Variants in UST observed in about 807,000 individuals in gnomAD.
UST encodes the protein uronyl 2-sulfotransferase, also known as chondroitin sulfate 2-O-sulfotransferase.
Under a neutral mutation model 45.6 loss-of-function variants are expected in UST, and 21 were observed. That is an observed-to-expected ratio of 0.46 (90% CI 0.33 to 0.66). The LOEUF is 0.66. Ranked by LOEUF, UST falls within the 30% of genes least tolerant of loss-of-function variation. The pLI, the probability that UST is intolerant of heterozygous loss-of-function variation, is 0.02. For missense variants in UST, 463 were observed against 512.4 expected, an observed-to-expected ratio of 0.90 and a Z score of 0.93; for synonymous variants, 215 against 200.6, an observed-to-expected ratio of 1.07 and a Z score of -0.61.
chr6:148,912,877 G>A (rs9403999), intron 2 of UST, among the ~76,000 whole-genome samples: 17,004 of 152,264 alleles, frequency 0.11, 1,416 homozygotes, highest in East Asian at 0.41. Context: ...GATACAGGGT[G>A]CACCTCAGTT....
chr6:148,912,922 C>A (rs191621317), intron 2 of UST, among the ~76,000 whole-genome samples: 2 of 152,284 alleles, frequency 1.3e-5, no homozygotes, highest in Admixed American at 1.3e-4. Context: ...TGGTAATGTG[C>A]ACTTAAATCC....
intron 7 of UST, among the ~76,000 whole-genome samples, chr6:149,043,311 G>A (rs1298736253): frequency 6.6e-6 from 1 of 151,974 alleles, no homozygotes; most frequent in Non-Finnish European, 1.5e-5. Flanking sequence ...AGGTCTCACT[G>A]TGCTGCCCAG....
chr6:148,942,102 A>G (rs1019018792), intron 3 of UST, among the ~76,000 whole-genome samples: 1 of 152,108 alleles, frequency 6.6e-6, no homozygotes, highest in Non-Finnish European at 1.5e-5. Context: ...GTGCTTTGCT[A>G]ATGTAGAAAA....
At chr6:148,944,609 A>AGGGAGT (rs1414415406) in intron 3 of UST, among the ~76,000 whole-genome samples, 1 of 152,174 alleles carries the variant, frequency 6.6e-6, no homozygotes, top group Non-Finnish European at 1.5e-5. Context: ...TAAAAAGGAA[A>AGGGAGT]GGGAGTGTGA....
At chr6:148,876,753 GTTTTGTTGT>G (rs898058197) in intron 1 of UST, among the ~76,000 whole-genome samples, 1 of 151,718 alleles carries the variant, frequency 6.6e-6, no homozygotes, top group Non-Finnish European at 1.5e-5. Flanking sequence ...TTCTTTATTC[GTTTTGTTGT>G]TTTTGTTGTT....
intron 7 of UST, among the ~76,000 whole-genome samples, chr6:149,045,881 G>T (rs931046162): frequency 6.6e-6 from 1 of 152,128 alleles, no homozygotes; most frequent in Non-Finnish European, 1.5e-5. Context: ...GAAGCTTGAA[G>T]TCCTTTCAAT....
chr6:148,926,363 G>A (rs954743761), intron 2 of UST, among the ~76,000 whole-genome samples: 2 of 152,220 alleles, frequency 1.3e-5, no homozygotes, highest in Non-Finnish European at 2.9e-5. Flanking sequence ...TATCAGAAAT[G>A]CATTGGGCTA....
intron 2 of UST, among the ~76,000 whole-genome samples, chr6:148,917,965 T>C (rs548059603): frequency 6.6e-6 from 1 of 152,348 alleles, no homozygotes; most frequent in South Asian, 2.1e-4. Context: ...TGATACTCTA[T>C]ACTGCCCTCT....
At chr6:149,033,990 T>G (rs1480932283) in intron 7 of UST, among the ~76,000 whole-genome samples, 1 of 152,188 alleles carries the variant, frequency 6.6e-6, no homozygotes, top group Non-Finnish European at 1.5e-5. Context: ...GTAACTAGTA[T>G]GCACAGGCTG....
chr6:148,810,708 G>T (rs1244992157), intron 1 of UST, among the ~76,000 whole-genome samples: 1 of 152,064 alleles, frequency 6.6e-6, no homozygotes, highest in Non-Finnish European at 1.5e-5. Flanking sequence ...TATAATACAA[G>T]GTGTCACCAG....
intron 1 of UST, among the ~76,000 whole-genome samples, chr6:148,838,296 C>T (rs1777827648): frequency 6.6e-6 from 1 of 152,136 alleles, no homozygotes; most frequent in Non-Finnish European, 1.5e-5. Flanking sequence ...GAAGGAAGGC[C>T]AGCGTGTGCA....
At chr6:148,820,581 T>C (rs1043156447) in intron 1 of UST, among the ~76,000 whole-genome samples, 1 of 151,866 alleles carries the variant, frequency 6.6e-6, no homozygotes, top group African/African-American at 2.4e-5. Flanking sequence ...CCGGGCACGG[T>C]GGCTCATGCC....
intron 1 of UST, among the ~76,000 whole-genome samples, chr6:148,818,034 G>A (rs766657727): frequency 6.6e-6 from 1 of 152,160 alleles, no homozygotes; most frequent in Non-Finnish European, 1.5e-5. Flanking sequence ...CCAACCACCT[G>A]CTAAAGGATG....
intron 1 of UST, among the ~76,000 whole-genome samples, chr6:148,771,994 A>AT (rs955945095): frequency 2.6e-5 from 4 of 151,464 alleles, no homozygotes; most frequent in African/African-American, 7.3e-5. Context: ...CTCCTTCAAT[A>AT]TTTTTTTTTC....
chr6:148,831,518 A>G (rs1170698753), intron 1 of UST, among the ~76,000 whole-genome samples: 1 of 152,212 alleles, frequency 6.6e-6, no homozygotes, highest in Admixed American at 6.5e-5. Flanking sequence ...CTTAGCAGAC[A>G]TTTATATAGT....
chr6:148,918,562 T>TA, intron 2 of UST, among the ~76,000 whole-genome samples: 1 of 152,332 alleles, frequency 6.6e-6, no homozygotes, highest in Middle Eastern at 3.4e-3. Context: ...TCAAACAAAA[T>TA]ACTCTCTTTT....
chr6:149,001,332 A>G (rs891360401), intron 5 of UST, among the ~76,000 whole-genome samples: 2 of 152,166 alleles, frequency 1.3e-5, no homozygotes, highest in Admixed American at 6.5e-5. Context: ...TGGCCTCCCA[A>G]AGTGCTGGGA....
At chr6:148,947,654 G>T (rs890150376) in intron 3 of UST, among the ~76,000 whole-genome samples, 21 of 152,180 alleles carry the variant, frequency 1.4e-4, no homozygotes, top group African/African-American at 4.8e-4. Flanking sequence ...GTCTCCTCAT[G>T]AGCCTCTCTC....
chr6:148,845,395 C>G (rs958998160), intron 1 of UST, among the ~76,000 whole-genome samples: 1 of 152,112 alleles, frequency 6.6e-6, no homozygotes, highest in Non-Finnish European at 1.5e-5. Context: ...TTTTGAGGTT[C>G]ATCCGTGTTG....
Sources: gnomAD v4.1 joint callset for allele counts (sites outside exome capture counted in the v4.1 genomes callset) on GRCh38, gnomAD v4.1.1 for gene constraint, MANE v1.5 for transcripts, NCBI Gene and HGNC (gene_info 2026-07-23, HGNC 2026-07-21) for gene names.